The following DNAH10 variants were observed in gnomAD, a reference collection of about 807,000 sequenced individuals.
The protein encoded by DNAH10 is dynein axonemal heavy chain 10, also known as axonemal beta dynein heavy chain 10.
A neutral mutation model predicts 506.6 loss-of-function variants in DNAH10; 348 were observed. The ratio of observed to expected loss-of-function variants is 0.69; its 90% CI spans 0.63 to 0.75. The LOEUF is 0.75. Ranked by LOEUF, DNAH10 falls within the 30% of genes least tolerant of loss-of-function variation. DNAH10 has a pLI of 0.00. For missense variants in DNAH10, 5,179 were observed against 5,787.1 expected (o/e 0.89, Z 3.41); for synonymous variants, 2,059 against 2,198.6 (o/e 0.94, Z 1.78).
chr12:123,809,123 C>T (rs1227852570), intron 19 of DNAH10, among the ~76,000 whole-genome samples, 170 bp downstream of exon 19: 2 of 152,208 alleles, frequency 1.3e-5, no homozygotes, highest in African/African-American at 4.8e-5. Context: ...ATGGCACCAA[C>T]ATCAAACCAA....
chr12:123,896,588 G>A (rs1193091053), intron 54 of DNAH10, among the ~76,000 whole-genome samples: 2 of 152,168 alleles, frequency 1.3e-5, no homozygotes, highest in East Asian at 3.9e-4. Flanking sequence ...GGAGCAACAG[G>A]GCAGAGTTAG....
At chr12:123,870,575 G>A in intron 44 of DNAH10, 90 bp downstream of exon 44, 1 of 1,494,690 alleles carries the variant, frequency 6.7e-7, no homozygotes, top group Non-Finnish European at 9.0e-7. Context: ...GGCTTCTCTG[G>A]TACTCTAAGT....
intron 65 of DNAH10, 110 bp from the exon 66 acceptor site, chr12:123,923,653 A>G (rs1393795005): frequency 1.8e-5 from 12 of 671,602 alleles, no homozygotes; most frequent in Non-Finnish European, 2.7e-5. Context: ...ATGCAGCCAT[A>G]CAGTTCGAGT....
chr12:123,896,136 CACACACACACACAGAG>C (rs1172329302), intron 54 of DNAH10, among the ~76,000 whole-genome samples: 2 of 112,972 alleles, frequency 1.8e-5, no homozygotes, highest in African/African-American at 4.9e-5. Flanking sequence ...CACACACACA[CACACACACACACAGAG>C]AGAGAGAGAG....
intron 1 of DNAH10, among the ~76,000 whole-genome samples, chr12:123,764,033 T>A (rs1956928550): frequency 6.6e-6 from 1 of 151,946 alleles, no homozygotes; most frequent in Non-Finnish European, 1.5e-5. Flanking sequence ...GCCTGGCTGA[T>A]TTTTGTATTT....
At chr12:123,886,999 C>G (rs1017965270) in intron 51 of DNAH10, 143 bp from the exon 52 acceptor site, 1 of 1,019,688 alleles carries the variant, frequency 9.8e-7, no homozygotes, top group African/African-American at 1.6e-5. Context: ...GAGTCCCTTC[C>G]AGACTTTTCT....
chr12:123,881,524 T>A, intron 50 of DNAH10, 101 bp from the exon 51 acceptor site: 1 of 1,217,898 alleles, frequency 8.2e-7, no homozygotes, highest in Non-Finnish European at 1.1e-6. Flanking sequence ...TAAATTTGTT[T>A]AAGTTCTTTG....
intron 51 of DNAH10, among the ~76,000 whole-genome samples, chr12:123,884,811 A>G (rs1952660613): frequency 1.3e-5 from 2 of 152,304 alleles, no homozygotes; most frequent in South Asian, 2.1e-4. Context: ...TCACTGCAAC[A>G]ATTCAAATGA....
In DNAH10 at chr12:123,838,546, CT is replaced by C. The variant is rs1271097388; in HGVS notation, c.4994del (p.Leu1665ArgfsTer12). On this transcript the variant is annotated frameshift_variant, in exon 29 of 79. Coordinates refer to ENST00000673944, the MANE Select transcript of DNAH10 (RefSeq NM_001372106.1). LOFTEE classifies it high-confidence loss of function. The part of the protein sequence containing the change: ...LSDLQNVSEG[L>X]EKCQKSLNDY... ...TGACCTACAGAACGTCAGCGAGGGC[CT>C]GGAGAAATGCCAGAAAAGCCTCAAC... 2.5e-6 allele frequency: 4 copies of C among 1,613,910 alleles called. No individual in the cohort carries two copies. The highest frequency in any genetic ancestry group is 3.4e-6 in the Non-Finnish European group (4 of 1,179,908).
At chr12:123,924,110 G>A (rs1456054951) in intron 66 of DNAH10, 168 bp from the exon 67 acceptor site, 8 of 910,696 alleles carry the variant, frequency 8.8e-6, no homozygotes, top group Admixed American at 2.9e-5. Context: ...TGCACTGAGC[G>A]CCTGGTTGGT....
chr12:123,824,107 C>T lies in DNAH10; in HGVS notation c.4180-2580C>T, dbSNP rs1959712316. On this transcript the variant is annotated intron_variant, in intron 24 of 78. Coordinates refer to ENST00000673944, the MANE Select transcript of DNAH10 (RefSeq NM_001372106.1). ...GACTGTCATCATAATCCCAGGGGAT[C>T]CTGGGGTGGCAGCGGTGCAGGTTGG... Among the ~76,000 whole-genome samples the T allele has an allele frequency of 1.3e-5, 2 of 152,098 alleles. 1 individual carries two copies. Among genetic ancestry groups the T allele is most frequent in the South Asian group, 4.2e-4 (2 of 4,816 alleles).
In DNAH10 at chr12:123,762,323, C is replaced by T; in HGVS notation, c.-14C>T. On this transcript the variant is annotated 5_prime_UTR_variant, in exon 1 of 79. Transcript: ENST00000673944. The surrounding 1 kb of genome is among the most constrained non-coding windows in gnomAD (Gnocchi z 5.0). Reference sequence around the variant, plus strand: ...CCCGCCCTGCGCCCGGCTCCCTCTGCACTGCGCGGCGCCATGGACGACCTG... The same window carrying T: ...CCCGCCCTGCGCCCGGCTCCCTCTGTACTGCGCGGCGCCATGGACGACCTG... The T allele has an allele frequency of 2.3e-6, 3 of 1,319,386 alleles. No homozygotes were observed. Among genetic ancestry groups the T allele is most frequent in the Non-Finnish European group, 2.9e-6 (3 of 1,032,782 alleles). The allele number at this position is 1,319,386 out of a possible 1,614,324, so 81.7% of individuals were successfully genotyped here.
Position 123,853,176 on chromosome 12 carries a change from T to G in DNAH10, c.6292-30T>G, listed in dbSNP as rs745757048. ...TTTTGAATCATTTTCTTTTTTCTTT[T>G]TTTTTGTATTATTATCTTCTATCAA... On this transcript the variant is annotated intron_variant, in intron 35 of 78. Coordinates refer to ENST00000673944, the MANE Select transcript of DNAH10 (RefSeq NM_001372106.1). The surrounding 1 kb of genome is among the most constrained non-coding windows in gnomAD (Gnocchi z 4.7). The G allele has an allele frequency of 4.3e-5, 65 of 1,509,932 alleles. No individual in the cohort carries two copies. Among genetic ancestry groups the G allele is most frequent in the Non-Finnish European group, 2.3e-5 (26 of 1,126,224 alleles). 93.5% of individuals were successfully genotyped at this position (1,509,932 alleles called of 1,614,324 possible).
chr12:123,887,428 C>A (rs1165836273), intron 52 of DNAH10, 115 bp downstream of exon 52: 1 of 1,219,878 alleles, frequency 8.2e-7, no homozygotes, highest in Admixed American at 3.0e-5. Context: ...TGCGGGTGTA[C>A]CTGTTCCTCC....
chr12:123,785,633 A>G lies in DNAH10; in HGVS notation c.1231-113A>G. ...CAGCCTGGGCACCAGACTTGGTCTC[A>G]AGGAAAAAAAAAAAAAAAAAAGAGT... On this transcript the variant is annotated intron_variant, in intron 8 of 78. Coordinates refer to ENST00000673944, the MANE Select transcript of DNAH10 (RefSeq NM_001372106.1). The surrounding 1 kb of genome is among the most constrained non-coding windows in gnomAD (Gnocchi z 4.1). 2 of 957,518 alleles carry G rather than the reference A, an allele frequency of 2.1e-6. No individual in the cohort carries two copies. Among genetic ancestry groups the G allele is most frequent in the East Asian group, 3.0e-5 (1 of 33,112 alleles). The allele number at this position is 957,518 out of a possible 1,614,324, so 59.3% of individuals were successfully genotyped here.
In DNAH10 at chr12:123,814,001, T is replaced by C. The variant is rs926098141; in HGVS notation, c.3780+89T>C. On this transcript the variant is annotated intron_variant, in intron 21 of 78. Transcript: ENST00000673944. ...GAAATGCTTCTCAAGTATACTGCCA[T>C]TGATTTGTTTTCAAATAAGTGACTT... 1.2e-5 allele frequency: 15 copies of C among 1,254,030 alleles called. No individual in the cohort carries two copies. The African/African-American group carries it at 2.0e-4, about 16-fold the overall frequency. The allele number at this position is 1,254,030 out of a possible 1,614,324, so 77.7% of individuals were successfully genotyped here. A position where few individuals can be genotyped will look rare whatever the true frequency, so the allele number is the denominator to read the frequency against.
intron 51 of DNAH10, among the ~76,000 whole-genome samples, chr12:123,886,099 T>C (rs1358695730): frequency 6.6e-6 from 1 of 152,244 alleles, no homozygotes; most frequent in Non-Finnish European, 1.5e-5. Context: ...AAAATATAAC[T>C]GTTTGCAATT....
chr12:123,904,749 G>T (rs1020722484), intron 57 of DNAH10, among the ~76,000 whole-genome samples: 3 of 152,170 alleles, frequency 2.0e-5, no homozygotes, highest in African/African-American at 7.2e-5. Context: ...GATAAGAATT[G>T]TCTCGGCTGC....
intron 5 of DNAH10, among the ~76,000 whole-genome samples, chr12:123,775,658 C>T (rs1294545401): frequency 1.3e-5 from 2 of 152,044 alleles, no homozygotes; most frequent in African/African-American, 2.4e-5. Context: ...GCCACTGTGG[C>T]TGGAGGGAGG....
Sources: allele counts gnomAD v4.1 joint callset (sites outside exome capture counted in the v4.1 genomes callset), GRCh38; gene constraint gnomAD v4.1.1; non-coding constraint Gnocchi (gnomAD v3.1); transcripts MANE v1.5; gene names NCBI Gene and HGNC (gene_info 2026-07-23, HGNC 2026-07-21).